The following PLD5 variants were observed in gnomAD, a reference collection of about 807,000 sequenced individuals.
The protein encoded by PLD5 is phospholipase D family member 5.
Under a neutral mutation model 61.1 loss-of-function variants are expected in PLD5, and 36 were observed. The ratio of observed to expected loss-of-function variants is 0.59; its 90% CI spans 0.45 to 0.78. The LOEUF (loss-of-function observed/expected upper bound fraction) is 0.78. Among genes scored for constraint, PLD5 ranks in the 30% least tolerant of loss-of-function variants. The pLI is 0.00. For synonymous variants in PLD5, 243 were observed against 242.8 expected, an observed-to-expected ratio of 1.00 and a Z score of -0.01; for missense variants, 515 against 644.4, an observed-to-expected ratio of 0.80 and a Z score of 2.17.
intron 1 of PLD5, among the ~76,000 whole-genome samples, chr1:242,359,023 T>C (rs926188504): frequency 6.6e-6 from 1 of 152,174 alleles, no homozygotes; most frequent in Non-Finnish European, 1.5e-5. Context: ...CTAGTAGTCC[T>C]TCCCACCTCT....
At chr1:242,458,274 T>C (rs530217008) in intron 1 of PLD5, among the ~76,000 whole-genome samples, 1 of 152,360 alleles carries the variant, frequency 6.6e-6, no homozygotes, top group South Asian at 2.1e-4. Flanking sequence ...GAAGGAACTG[T>C]GTTATTTAAT....
chr1:242,394,655 T>C lies in PLD5; in HGVS notation c.190-46413A>G, dbSNP rs542251571. 1.6e-3 allele frequency among the ~76,000 whole-genome samples: 61 copies of C among 38,316 alleles called. 12 individuals are homozygous for C. Among genetic ancestry groups the C allele is most frequent in the Non-Finnish European group, 2.1e-3 (49 of 23,450 alleles). The allele number at this position is 38,316 out of a possible 152,430, so 25.1% of individuals were successfully genotyped here. On this transcript the variant is annotated intron_variant, in intron 1 of 9. Transcript: ENST00000536534. The stretch of plus-strand genomic sequence containing the variant: ...GTGAACATATATATGTGTATATATG[T>C]GAACATATATATGTGTATATATGTG...
intron 2 of PLD5, among the ~76,000 whole-genome samples, chr1:242,321,803 G>A (rs940050666): frequency 2.6e-5 from 4 of 152,130 alleles, no homozygotes; most frequent in Admixed American, 1.3e-4. Flanking sequence ...GTTTATAAAT[G>A]TTTACTCCTT....
intron 2 of PLD5, among the ~76,000 whole-genome samples, chr1:242,330,084 G>C (rs1659078696): frequency 6.6e-6 from 1 of 152,102 alleles, no homozygotes; most frequent in Non-Finnish European, 1.5e-5. Flanking sequence ...TCTTGAATTA[G>C]ATTGAAACCT....
At chr1:242,342,732 G>T (rs144740975) in intron 2 of PLD5, among the ~76,000 whole-genome samples, 11 of 132,078 alleles carry the variant, frequency 8.3e-5, no homozygotes, top group African/African-American at 2.6e-4. Flanking sequence ...GAAGTGCCCA[G>T]AAATCCAATA....
chr1:242,516,795 T>C (rs1329944844), intron 1 of PLD5, among the ~76,000 whole-genome samples: 2 of 152,244 alleles, frequency 1.3e-5, no homozygotes, highest in Non-Finnish European at 2.9e-5. Context: ...TTGGCTATTG[T>C]TGGCCCTTTG....
chr1:242,461,217 G>T (rs540717929), intron 1 of PLD5, among the ~76,000 whole-genome samples: 1 of 152,284 alleles, frequency 6.6e-6, no homozygotes, highest in South Asian at 2.1e-4. Flanking sequence ...GTAGTTTGTT[G>T]AATAGAATAG....
rs773387417 is a variant in PLD5, at chr1:242,383,265, AGT to A, written c.190-35025_190-35024del. 1.0e-3 allele frequency among the ~76,000 whole-genome samples: 153 copies of A among 152,280 alleles called. 1 individual carries two copies. The highest frequency in any genetic ancestry group is 1.3e-3 in the East Asian group (7 of 5,192). On this transcript the variant is annotated intron_variant, in intron 1 of 9. Coordinates refer to ENST00000536534, the MANE Select transcript of PLD5 (RefSeq NM_001372062.1). Reference sequence around the variant, plus strand: ...ATCAATGTACATTTTTATGGGAAACAGTGTGATATTTTGACACACGTATACAA... The same window carrying A: ...ATCAATGTACATTTTTATGGGAAACAGTGATATTTTGACACACGTATACAA...
intron 4 of PLD5, among the ~76,000 whole-genome samples, chr1:242,264,015 C>T (rs1198644047): frequency 2.0e-5 from 3 of 152,010 alleles, no homozygotes; most frequent in Non-Finnish European, 4.4e-5. Context: ...TTTTATCCTG[C>T]CAGGATAATC....
At chr1:242,207,800 T>TTATA (rs1265579976) in intron 5 of PLD5, among the ~76,000 whole-genome samples, 1 of 86,128 alleles carries the variant, frequency 1.2e-5, no homozygotes, top group African/African-American at 5.4e-5. Context: ...TTATATATAT[T>TTATA]TATATATATT....
At chr1:242,185,670 C>A (rs1228958878) in intron 5 of PLD5, among the ~76,000 whole-genome samples, 1 of 152,078 alleles carries the variant, frequency 6.6e-6, no homozygotes, top group East Asian at 1.9e-4. Context: ...TTAATTAATT[C>A]CCCTAATTAG....
At chr1:242,526,427 T>TTTTG (rs201579307), upstream of PLD5, among the ~76,000 whole-genome samples, 3,584 of 152,122 alleles carry the variant, frequency 0.024, 55 homozygotes, top group South Asian at 0.049. Context: ...TCTCTGATAA[T>TTTTG]TTTGTTTGTT....
chr1:242,321,494 G>A (rs368952650), intron 2 of PLD5, among the ~76,000 whole-genome samples: 4 of 152,110 alleles, frequency 2.6e-5, no homozygotes, highest in South Asian at 2.1e-4. Flanking sequence ...TAGTAGAGAC[G>A]GTGTTTCACC....
chr1:242,425,639 CT>C (rs35709516), intron 1 of PLD5, among the ~76,000 whole-genome samples: 2,405 of 129,832 alleles, frequency 0.019, 10 homozygotes, highest in African/African-American at 0.039. Context: ...CTTACTGTAA[CT>C]TTTTTTTTTT....
intron 1 of PLD5, among the ~76,000 whole-genome samples, chr1:242,400,819 A>T (rs1311346057): frequency 6.6e-6 from 1 of 152,188 alleles, no homozygotes; most frequent in Non-Finnish European, 1.5e-5. Context: ...ACATAGGCAA[A>T]GCATGAGCCT....
intron 5 of PLD5, among the ~76,000 whole-genome samples, chr1:242,151,353 A>T (rs1664914131): frequency 6.6e-6 from 1 of 151,710 alleles, no homozygotes; most frequent in African/African-American, 2.4e-5. Context: ...CAGTTTCTTA[A>T]TTTTTCTTAG....
intron 2 of PLD5, among the ~76,000 whole-genome samples, chr1:242,293,555 G>T (rs1049797946): frequency 1.3e-4 from 20 of 152,154 alleles, no homozygotes; most frequent in Non-Finnish European, 2.4e-4. Flanking sequence ...ATAGTACCTT[G>T]TAGAGTTCCA....
chr1:242,449,957 A>C (rs1041014877), intron 1 of PLD5, among the ~76,000 whole-genome samples: 1 of 152,232 alleles, frequency 6.6e-6, no homozygotes, highest in Non-Finnish European at 1.5e-5. Context: ...GTCAAATCTG[A>C]ACAGGTGGAA....
chr1:242,277,589 T>C (rs167586), intron 3 of PLD5, among the ~76,000 whole-genome samples: 128,716 of 148,486 alleles, frequency 0.87, 56,297 homozygotes, highest in East Asian at 0.94. Flanking sequence ...CTGGTAAGTC[T>C]AATACATTGT....
Sources: gnomAD v4.1 joint callset for allele counts (sites outside exome capture counted in the v4.1 genomes callset) on GRCh38, gnomAD v4.1.1 for gene constraint, MANE v1.5 for transcripts, NCBI Gene and HGNC (gene_info 2026-07-23, HGNC 2026-07-21) for gene names.